PTK2: variants seen among roughly 807,000 people sequenced by gnomAD.
PTK2 encodes the protein focal adhesion kinase 1.
A neutral mutation model predicts 150.1 loss-of-function variants in PTK2; 45 were observed. That is an observed-to-expected ratio of 0.30 (90% confidence interval 0.24 to 0.38). The LOEUF is 0.38. PTK2 is among the 10% of genes least tolerant of loss of function. The pLI, the probability that PTK2 is intolerant of heterozygous loss-of-function variation, is 1.00. For missense variants in PTK2, 919 were observed against 1,307.3 expected (o/e 0.70, Z 4.58); for synonymous variants, 432 against 449.2 (o/e 0.96, Z 0.48).
chr8:140,663,853 C>T (rs529065656), intron 31 of PTK2, among the ~76,000 whole-genome samples: 4 of 152,164 alleles, frequency 2.6e-5, no homozygotes, highest in African/African-American at 4.8e-5. Flanking sequence ...GACAGAGTCT[C>T]GCTTTGTTGC....
chr8:140,694,202 A>G (rs6986537), intron 26 of PTK2, among the ~76,000 whole-genome samples: 5,729 of 151,732 alleles, frequency 0.038, 282 homozygotes, highest in African/African-American at 0.11. Flanking sequence ...CACTACGCCC[A>G]GCTAATTTTT....
intron 29 of PTK2, chr8:140,668,796 G>A (rs2093910795): frequency 5.7e-6 from 1 of 176,050 alleles, no homozygotes; most frequent in Admixed American, 5.4e-5. Flanking sequence ...TACCTATTTG[G>A]CTAAAGAGTC....
rs537123819 is a variant in PTK2, at chr8:140,875,851, C to G, written c.362+3620G>C. The stretch of plus-strand genomic sequence containing the variant: ...GAAGAAAACAGGTTACTGGAGCACC[C>G]TAACATTTAAAGGCCAAACAGTTCA... On this transcript the variant is annotated intron_variant, in intron 4 of 31. Transcript: ENST00000522684. Among the ~76,000 whole-genome samples the G allele has an allele frequency of 2.0e-5, 3 of 152,232 alleles. No homozygotes were observed. The East Asian group carries it at 5.8e-4, about 29-fold the overall frequency.
rs551413055 is a variant in PTK2, at chr8:140,689,079, T to C, written c.2500-2385A>G. ...ATAGAATCTTCTCTGACAGGTAAGA[T>C]AGACATGAATAGACAGAAAGGAAAC... On this transcript the variant is annotated intron_variant, in intron 26 of 31. Coordinates refer to ENST00000522684, the Ensembl canonical transcript of PTK2. Among the ~76,000 whole-genome samples the C allele has an allele frequency of 3.5e-5, 5 of 142,060 alleles. No individual in the cohort carries two copies. In the East Asian group the frequency reaches 6.8e-4, roughly 19 times the overall value. 93.2% of individuals were successfully genotyped at this position (142,060 alleles called of 152,430 possible). A position where few individuals can be genotyped will look rare whatever the true frequency, so the allele number is the denominator to read the frequency against.
intron 10 of PTK2, among the ~76,000 whole-genome samples, chr8:140,815,337 TC>T (rs2100104081): frequency 6.6e-6 from 1 of 151,910 alleles, no homozygotes; most frequent in Admixed American, 6.6e-5. Flanking sequence ...ATCTTTTAGC[TC>T]CCACTTATAA....
At chr8:140,810,978 C>T (rs2154601088) in intron 10 of PTK2, among the ~76,000 whole-genome samples, 1 of 152,344 alleles carries the variant, frequency 6.6e-6, no homozygotes, top group East Asian at 1.9e-4. Context: ...AACCGTGCTG[C>T]TACTGCCACT....
At chr8:140,771,784 T>TA (rs1415566598) in intron 14 of PTK2, among the ~76,000 whole-genome samples, 1 of 151,638 alleles carries the variant, frequency 6.6e-6, no homozygotes, top group Admixed American at 6.6e-5. Flanking sequence ...TTAACATTTT[T>TA]TTTTTTTTTT....
intron 11 of PTK2, 54 bp downstream of exon 11, chr8:140,803,489 A>G: frequency 7.0e-7 from 1 of 1,432,470 alleles, no homozygotes; most frequent in Non-Finnish European, 9.8e-7. Flanking sequence ...CAACAATTCT[A>G]AAACATCCCT....
At chr8:140,850,357 C>G (rs561790047) in intron 5 of PTK2, among the ~76,000 whole-genome samples, 1 of 151,766 alleles carries the variant, frequency 6.6e-6, no homozygotes, top group African/African-American at 2.4e-5. Flanking sequence ...ACCCAGGAGG[C>G]GGAGGTTGCA....
At chr8:140,854,616 A>C (rs959432647) in intron 5 of PTK2, among the ~76,000 whole-genome samples, 3 of 152,146 alleles carry the variant, frequency 2.0e-5, no homozygotes, top group African/African-American at 7.2e-5. Flanking sequence ...ACAAGATTCT[A>C]ATTTATTTTT....
chr8:140,912,642 A>G (rs2100163664), intron 2 of PTK2, among the ~76,000 whole-genome samples: 1 of 152,160 alleles, frequency 6.6e-6, no homozygotes, highest in Non-Finnish European at 1.5e-5. Flanking sequence ...AAACCTAAGA[A>G]TTGAAAGGAA....
chr8:140,838,786 C>G (rs1598066685), intron 7 of PTK2, among the ~76,000 whole-genome samples: 1 of 152,086 alleles, frequency 6.6e-6, no homozygotes, highest in Admixed American at 6.5e-5. Flanking sequence ...GCGGGCGGAT[C>G]ACAAGGTCAG....
chr8:140,703,578 C>T (rs1307548601), intron 24 of PTK2, among the ~76,000 whole-genome samples: 1 of 150,480 alleles, frequency 6.6e-6, no homozygotes, highest in Non-Finnish European at 1.5e-5. Context: ...TCCTGCCCAA[C>T]AACCACTATC....
chr8:140,815,574 A>C (rs992723273), intron 10 of PTK2, among the ~76,000 whole-genome samples: 2 of 146,168 alleles, frequency 1.4e-5, no homozygotes, highest in African/African-American at 5.5e-5. Flanking sequence ...AAGTTTTTTT[A>C]AAAAAAAATC....
chr8:140,861,327 C>CAACAG (rs756350806), intron 5 of PTK2, among the ~76,000 whole-genome samples: 6 of 151,968 alleles, frequency 3.9e-5, no homozygotes, highest in Non-Finnish European at 7.4e-5. Context: ...CCAGACTGGG[C>CAACAG]AACAGAGCAA....
At chr8:140,728,621 C>A (rs532155553) in intron 22 of PTK2, among the ~76,000 whole-genome samples, 17 of 152,158 alleles carry the variant, frequency 1.1e-4, no homozygotes, top group Non-Finnish European at 2.2e-4. Context: ...TGGGTTCATG[C>A]GATTCTCCTG....
At chr8:140,699,754 A>G (rs1353795928) in intron 26 of PTK2, among the ~76,000 whole-genome samples, 1 of 152,232 alleles carries the variant, frequency 6.6e-6, no homozygotes, top group Admixed American at 6.5e-5. Flanking sequence ...CTAAAATTTT[A>G]GAGAAATTTA....
chr8:140,949,212 G>A (rs934318365), intron 1 of PTK2, among the ~76,000 whole-genome samples: 1 of 152,002 alleles, frequency 6.6e-6, no homozygotes, highest in African/African-American at 2.4e-5. Context: ...TAAAAATACA[G>A]TATATAATAC....
intron 2 of PTK2, among the ~76,000 whole-genome samples, chr8:140,916,733 G>A (rs914358431): frequency 4.6e-5 from 7 of 152,118 alleles, no homozygotes; most frequent in Admixed American, 6.5e-5. Flanking sequence ...AGAAAATTCC[G>A]TTATGATCCT....
Sources: allele counts gnomAD v4.1 joint callset (sites outside exome capture counted in the v4.1 genomes callset), GRCh38; gene constraint gnomAD v4.1.1; transcripts MANE v1.5; gene names NCBI Gene and HGNC (gene_info 2026-07-23, HGNC 2026-07-21).